The following CWF19L2 variants were observed in gnomAD, a reference collection of about 807,000 sequenced individuals.
The protein encoded by CWF19L2 is CWF19 like cell cycle control factor 2, also known as CWF19-like protein 2.
A neutral mutation model predicts 111.7 loss-of-function variants in CWF19L2; 98 were observed. The observed-to-expected ratio is 0.88, with a 90% CI of 0.75 to 1.04. CWF19L2 has a LOEUF of 1.04. Among genes scored for constraint, CWF19L2 ranks in the 50% least tolerant of loss-of-function variants. CWF19L2 has a pLI of 0.00. For missense variants in CWF19L2, 1,101 were observed against 1,051.4 expected (o/e 1.05, Z -0.65); for synonymous variants, 351 against 342.9 (o/e 1.02, Z -0.26).
intron 12 of CWF19L2, among the ~76,000 whole-genome samples, chr11:107,385,357 C>A (rs1358922379): frequency 6.6e-6 from 1 of 151,136 alleles, no homozygotes; most frequent in Admixed American, 6.6e-5. Flanking sequence ...AAAAATAACA[C>A]ATTTGTCAAG....
rs1277876423 is a variant in CWF19L2, at chr11:107,367,124, G to A, written c.1873-13388C>T. 1.1e-4 allele frequency among the ~76,000 whole-genome samples: 13 copies of A among 114,516 alleles called. 5 individuals are homozygous for A. Among genetic ancestry groups the A allele is most frequent in the African/African-American group, 4.3e-4 (13 of 30,220 alleles). The allele number at this position is 114,516 out of a possible 152,430, so 75.1% of individuals were successfully genotyped here. On this transcript the variant is annotated intron_variant, in intron 12 of 17. Coordinates refer to ENST00000282251, the MANE Select transcript of CWF19L2 (RefSeq NM_152434.3). ...GAGAAATGCAAATCAAAACCACAACGAGATACCATCTCACACCAGTTAGAA... is the reference window on the plus strand; with the variant it reads ...GAGAAATGCAAATCAAAACCACAACAAGATACCATCTCACACCAGTTAGAA...
chr11:107,331,068 G>A (rs570343427), intron 16 of CWF19L2, among the ~76,000 whole-genome samples: 10 of 152,208 alleles, frequency 6.6e-5, no homozygotes, highest in African/African-American at 2.2e-4. Context: ...ATCTGTTCAC[G>A]AAATAGTATA....
chr11:107,454,663 T>TA (rs1861828943), intron 2 of CWF19L2, 91 bp from the exon 3 acceptor site: 19 of 922,608 alleles, frequency 2.1e-5, no homozygotes, highest in Admixed American at 4.2e-5. Context: ...AACCACATTC[T>TA]AAAAAACTTT....
rs374074339 is a variant in CWF19L2, at chr11:107,363,369, T to G, written c.1873-9633A>C. Reference sequence around the variant, plus strand: ...GAAGAGCAACACCAGGACACATAATTGTCAGATTCACCAAAGTTGAAATGA... The same window carrying G: ...GAAGAGCAACACCAGGACACATAATGGTCAGATTCACCAAAGTTGAAATGA... On this transcript the variant is annotated intron_variant, in intron 12 of 17. Coordinates refer to ENST00000282251, the MANE Select transcript of CWF19L2 (RefSeq NM_152434.3). 2.0e-4 allele frequency among the ~76,000 whole-genome samples: 31 copies of G among 152,076 alleles called. No individual in the cohort carries two copies. The East Asian group carries it at 5.8e-3, about 28-fold the overall frequency.
At chr11:107,344,367 C>G (rs1391445545) in intron 14 of CWF19L2, among the ~76,000 whole-genome samples, 1 of 152,164 alleles carries the variant, frequency 6.6e-6, no homozygotes, top group Non-Finnish European at 1.5e-5. Context: ...CATTTCCTTT[C>G]TGTTTAAAGA....
At chr11:107,361,839 A>G (rs372460503) in intron 12 of CWF19L2, among the ~76,000 whole-genome samples, 1 of 152,196 alleles carries the variant, frequency 6.6e-6, no homozygotes, top group African/African-American at 2.4e-5. Context: ...GCCGAACAGG[A>G]AGAGCTCTGG....
At chr11:107,398,505 T>A (rs1860954892) in intron 10 of CWF19L2, among the ~76,000 whole-genome samples, 1 of 151,932 alleles carries the variant, frequency 6.6e-6, no homozygotes, top group African/African-American at 2.4e-5. Context: ...TAAGAAAATA[T>A]GAACAAAGGC....
chr11:107,441,474 A>T, intron 5 of CWF19L2, 29 bp downstream of exon 5: 1 of 1,476,476 alleles, frequency 6.8e-7, no homozygotes, highest in South Asian at 1.4e-5. Context: ...GTAAATTAGA[A>T]AGTTAAAGCA....
chr11:107,377,647 T>TA (rs1240543509), intron 12 of CWF19L2, among the ~76,000 whole-genome samples: 6 of 52,278 alleles, frequency 1.1e-4, no homozygotes, highest in African/African-American at 5.9e-4. Context: ...ACGTTAGACC[T>TA]AAAACCATAA....
At chr11:107,452,199 A>G (rs1172627908) in intron 3 of CWF19L2, among the ~76,000 whole-genome samples, 1 of 152,208 alleles carries the variant, frequency 6.6e-6, no homozygotes, top group Non-Finnish European at 1.5e-5. Flanking sequence ...CTACTAAAAA[A>G]GCTACTAACA....
chr11:107,406,414 C>T (rs1861078243), intron 10 of CWF19L2, among the ~76,000 whole-genome samples: 1 of 152,092 alleles, frequency 6.6e-6, no homozygotes, highest in Admixed American at 6.6e-5. Flanking sequence ...ATTATGTCCA[C>T]AAGTTGTTCC....
intron 3 of CWF19L2, among the ~76,000 whole-genome samples, chr11:107,449,415 T>TA (rs1342059857): frequency 6.6e-6 from 1 of 152,068 alleles, no homozygotes; most frequent in Non-Finnish European, 1.5e-5. Context: ...TCAGAGATGA[T>TA]AAATCTGTGG....
chr11:107,353,968 C>A (rs117953462), intron 12 of CWF19L2, among the ~76,000 whole-genome samples: 1 of 152,186 alleles, frequency 6.6e-6, no homozygotes, highest in Non-Finnish European at 1.5e-5. Context: ...ATGACTTGTT[C>A]ATGTTTTATA....
At chr11:107,375,913 A>G (rs1860592347) in intron 12 of CWF19L2, among the ~76,000 whole-genome samples, 1 of 63,122 alleles carries the variant, frequency 1.6e-5, no homozygotes, top group Non-Finnish European at 2.9e-5. Flanking sequence ...TAGACGCAAT[A>G]AAAAATGATA....
chr11:107,360,737 G>C (rs1428264589), intron 12 of CWF19L2, among the ~76,000 whole-genome samples: 3 of 152,292 alleles, frequency 2.0e-5, no homozygotes, highest in Non-Finnish European at 4.4e-5. Flanking sequence ...CAGATGATTA[G>C]CGATGTTGAA....
At position 107,428,938 on chromosome 11, in the gene CWF19L2, T is replaced by A; in HGVS notation, c.1294A>T (p.Asn432Tyr). The part of the protein sequence containing the change: ...SDGRGDKKHS[N>Y]QKPSETSTDE... The stretch of plus-strand genomic sequence containing the variant: ...GTACTGGTTTCCGATGGCTTTTGAT[T>A]TGAATGTTTCTTGTCTCCTCTCCCA... Residue 432 changes from asparagine to tyrosine, a missense_variant, in exon 8 of 18, where the codon AAT becomes TAT. Asn to Tyr is a moderately radical substitution (Grantham distance 143). Coordinates refer to ENST00000282251, the MANE Select transcript of CWF19L2 (RefSeq NM_152434.3). The A allele has an allele frequency of 6.2e-7, 1 of 1,613,808 alleles. No individual in the cohort carries two copies. The highest frequency in any genetic ancestry group is 1.1e-5 in the South Asian group (1 of 91,072).
intron 12 of CWF19L2, among the ~76,000 whole-genome samples, chr11:107,380,349 T>G (rs1860666458): frequency 6.6e-6 from 1 of 152,180 alleles, no homozygotes; most frequent in Non-Finnish European, 1.5e-5. Context: ...ATGAATTCAT[T>G]GATTAAATAT....
intron 14 of CWF19L2, among the ~76,000 whole-genome samples, chr11:107,346,186 T>TATA (rs1234017937): frequency 6.6e-6 from 1 of 152,198 alleles, no homozygotes; most frequent in Non-Finnish European, 1.5e-5. Context: ...ATTAACGCTA[T>TATA]ATAGGACTGA....
rs987081325 is a variant in CWF19L2 at position 107,370,614 on chromosome 11, T to C, written c.1873-16878A>G. On this transcript the variant is annotated intron_variant, in intron 12 of 17. Transcript: ENST00000282251. ...AAATCACTGAGGTCGAGTCACAGAATTGAGAAAACCTCATCTTAAACACTG... is the reference window on the plus strand; with the variant it reads ...AAATCACTGAGGTCGAGTCACAGAACTGAGAAAACCTCATCTTAAACACTG... Among the ~76,000 whole-genome samples, 7 of 135,350 alleles carry C rather than the reference T, an allele frequency of 5.2e-5. 2 individuals are homozygous for C. The highest frequency in any genetic ancestry group is 9.4e-5 in the Non-Finnish European group (6 of 63,818). The allele number at this position is 135,350 out of a possible 152,430, so 88.8% of individuals were successfully genotyped here.
Sources: allele counts gnomAD v4.1 joint callset (sites outside exome capture counted in the v4.1 genomes callset), GRCh38; gene constraint gnomAD v4.1.1; transcripts MANE v1.5; gene names NCBI Gene and HGNC (gene_info 2026-07-23, HGNC 2026-07-21).